The following TMEM272 variants were observed in gnomAD, a reference collection of about 807,000 sequenced individuals.
TMEM272 encodes the protein long intergenic non-protein coding RNA 282.
A neutral mutation model predicts 3.7 loss-of-function variants in TMEM272; 8 were observed. That is an observed-to-expected ratio of 2.17 (90% CI 1.27 to 3.91). The LOEUF (loss-of-function observed/expected upper bound fraction) is 3.91, where lower values mean the gene tolerates loss of function less well. TMEM272 is among the 30% of genes most tolerant of loss of function. TMEM272 has a pLI of 0.00. For missense variants in TMEM272, 166 were observed against 91.5 expected (o/e 1.81, Z -3.32); for synonymous variants, 63 against 39.8 (o/e 1.58, Z -2.20).
At chr13:51,881,676 T>C in the TMEM272 span, among the ~76,000 whole-genome samples, 1 of 152,144 alleles carries the variant, frequency 6.6e-6, no homozygotes, top group African/African-American at 2.4e-5. Flanking sequence ...ATGAATGGAA[T>C]TAGTGCCCTT....
intron 2 of TMEM272, among the ~76,000 whole-genome samples, chr13:51,827,480 A>G (rs1956136469): frequency 6.6e-6 from 1 of 152,188 alleles, no homozygotes; most frequent in Non-Finnish European, 1.5e-5. Context: ...AGATCGGCAG[A>G]TATATCTGCA....
chr13:51,827,635 A>C (rs1956138371), intron 2 of TMEM272, among the ~76,000 whole-genome samples: 1 of 152,104 alleles, frequency 6.6e-6, no homozygotes, highest in Admixed American at 6.5e-5. Flanking sequence ...TGTCATGCTG[A>C]GAGCAGAGGA....
At chr13:51,869,931 G>A in the TMEM272 span, among the ~76,000 whole-genome samples, 2 of 152,228 alleles carry the variant, frequency 1.3e-5, no homozygotes, top group African/African-American at 4.8e-5. Context: ...TGTAGGTTCG[G>A]ATCCTTCCGA....
the TMEM272 span, among the ~76,000 whole-genome samples, chr13:51,927,973 T>C: frequency 2.0e-5 from 3 of 152,180 alleles, no homozygotes; most frequent in Admixed American, 6.5e-5. Flanking sequence ...AGTCGGGTTT[T>C]GAACTCGGGT....
the TMEM272 span, among the ~76,000 whole-genome samples, chr13:51,910,918 G>A: frequency 6.6e-6 from 1 of 152,170 alleles, no homozygotes; most frequent in East Asian, 1.9e-4. Context: ...CAGCATCCCA[G>A]CTATGCCCAT....
chr13:51,925,803 C>T, the TMEM272 span, among the ~76,000 whole-genome samples: 1 of 152,164 alleles, frequency 6.6e-6, no homozygotes, highest in Non-Finnish European at 1.5e-5. Context: ...CAGATGCCAC[C>T]CTTCCTCCCC....
chr13:51,844,129 C>T (rs1371075236), intron 1 of TMEM272, among the ~76,000 whole-genome samples: 1 of 147,948 alleles, frequency 6.8e-6, no homozygotes, highest in Non-Finnish European at 1.5e-5. Flanking sequence ...CTAACATTCC[C>T]AGTTTTAGAG....
chr13:51,838,673 G>A (rs751875007), intron 1 of TMEM272, 120 bp from the exon 2 acceptor site: 8 of 679,092 alleles, frequency 1.2e-5, no homozygotes, highest in African/African-American at 3.5e-5. Context: ...AGCCCGGGTG[G>A]CCTGGGTGCC....
At chr13:51,869,597 C>T in the TMEM272 span, among the ~76,000 whole-genome samples, 2 of 151,396 alleles carry the variant, frequency 1.3e-5, no homozygotes, top group African/African-American at 4.9e-5. Flanking sequence ...TCAAGGGATT[C>T]TCCTGCCTCA....
chr13:51,913,635 A>G, the TMEM272 span, among the ~76,000 whole-genome samples: 1 of 152,166 alleles, frequency 6.6e-6, no homozygotes, highest in Admixed American at 6.5e-5. Flanking sequence ...CACCACCTAG[A>G]GTCTGCAGCC....
chr13:51,828,220 A>G lies in TMEM272; in HGVS notation c.59-1595T>C, dbSNP rs898675714. ...AGCCAGCTTGAGTTGGGCTTTCTGT[A>G]TTTATACAGAGCCCACTGTACCTGG... On this transcript the variant is annotated intron_variant, in intron 2 of 4. Coordinates refer to ENST00000629372, the MANE Select transcript of TMEM272 (RefSeq NM_001351003.2). Among the ~76,000 whole-genome samples, 6 of 152,166 alleles carry G rather than the reference A, an allele frequency of 3.9e-5. No individual in the cohort carries two copies. The South Asian group carries it at 6.2e-4, about 16-fold the overall frequency.
chr13:51,819,378 T>C (rs1471042319), intron 4 of TMEM272, among the ~76,000 whole-genome samples: 4 of 152,104 alleles, frequency 2.6e-5, no homozygotes, highest in Non-Finnish European at 5.9e-5. Context: ...TTTCCATCAC[T>C]CAGATGCATT....
chr13:51,866,560 G>A, the TMEM272 span, among the ~76,000 whole-genome samples: 1 of 152,168 alleles, frequency 6.6e-6, no homozygotes, highest in East Asian at 1.9e-4. Flanking sequence ...AGGCCTCTGT[G>A]CTGTTAATTC....
intron 1 of TMEM272, among the ~76,000 whole-genome samples, chr13:51,840,841 CACCACAGCCCTGAGGAA>C (rs1387811919): frequency 6.6e-6 from 1 of 152,228 alleles, no homozygotes; most frequent in Non-Finnish European, 1.5e-5. Flanking sequence ...AAATCAGGAA[CACCACAGCCCTGAGGAA>C]ACCACAGCCT....
chr13:51,884,234 C>A, the TMEM272 span, among the ~76,000 whole-genome samples: 1 of 134,194 alleles, frequency 7.5e-6, no homozygotes, highest in Non-Finnish European at 1.7e-5. Flanking sequence ...AAGGAAATGA[C>A]CCATAACCTG....
At chr13:51,868,079 G>A in the TMEM272 span, among the ~76,000 whole-genome samples, 1 of 152,314 alleles carries the variant, frequency 6.6e-6, no homozygotes, top group South Asian at 2.1e-4. Flanking sequence ...CTTTCTTCTT[G>A]TTCCCTGCCA....
At chr13:51,860,839 G>A in the TMEM272 span, among the ~76,000 whole-genome samples, 15 of 146,132 alleles carry the variant, frequency 1.0e-4, no homozygotes, top group African/African-American at 2.4e-4. Context: ...GTGTGTGTGT[G>A]TATATATATG....
chr13:51,823,259 G>T (rs1956095175), intron 3 of TMEM272, among the ~76,000 whole-genome samples: 1 of 152,232 alleles, frequency 6.6e-6, no homozygotes, highest in South Asian at 2.1e-4. Flanking sequence ...TTTTTTTCTT[G>T]TAGAGAAGAA....
the TMEM272 span, among the ~76,000 whole-genome samples, chr13:51,880,519 T>G: frequency 6.6e-6 from 1 of 152,148 alleles, no homozygotes; most frequent in African/African-American, 2.4e-5. Context: ...TCACACTGTT[T>G]GTTGTACAAA....
Sources: gnomAD v4.1 joint callset for allele counts (sites outside exome capture counted in the v4.1 genomes callset) on GRCh38, gnomAD v4.1.1 for gene constraint, MANE v1.5 for transcripts, NCBI Gene and HGNC (gene_info 2026-07-23, HGNC 2026-07-21) for gene names.